ABL1: variants seen among roughly 807,000 people sequenced by gnomAD.
The protein encoded by ABL1 is ABL proto-oncogene 1, non-receptor tyrosine kinase.
ABL1 carries 11 observed loss-of-function variants against 94.7 expected under a neutral mutation model. That is an observed-to-expected ratio of 0.12 (90% CI 0.07 to 0.19). The LOEUF is 0.19. Ranked by LOEUF, ABL1 falls within the 10% of genes least tolerant of loss-of-function variation. The pLI is 1.00. For missense variants in ABL1, 1,082 were observed against 1,489.4 expected (o/e 0.73, Z 4.50); for synonymous variants, 656 against 622.4 (o/e 1.05, Z -0.80).
intron 1 of ABL1, among the ~76,000 whole-genome samples, chr9:130,728,369 GT>G (rs55957334): frequency 0.2 from 26,746 of 135,668 alleles, 2,961 homozygotes; most frequent in Middle Eastern, 0.39. Flanking sequence ...TACCTGGCTG[GT>G]TTTTTTTTTT....
chr9:130,816,797 G>A (rs1039376243), intron 1 of ABL1, among the ~76,000 whole-genome samples: 25 of 152,096 alleles, frequency 1.6e-4, no homozygotes, highest in African/African-American at 5.3e-4. Flanking sequence ...TCCGCCTCCC[G>A]GGTTCAAGCG....
intron 1 of ABL1, among the ~76,000 whole-genome samples, chr9:130,753,220 G>A (rs1831990363): frequency 2.6e-5 from 4 of 151,916 alleles, no homozygotes; most frequent in African/African-American, 7.2e-5. Flanking sequence ...TCGCGCCACT[G>A]CACTCCAGCC....
In ABL1 at chr9:130,873,039, T is replaced by TAGGG; in HGVS notation, c.1085+3_1085+6dup. On this transcript the variant is annotated splice_region_variant and intron_variant, in intron 6 of 10. Transcript: ENST00000318560. ...GGAGAAGAAAAACTTCATCCACAGG[T>TAGGG]AGGGGCCTGGCCAGGCAGCCTGCGC... The TAGGG allele has an allele frequency of 6.2e-7, 1 of 1,612,552 alleles. No homozygotes were observed. Among genetic ancestry groups the TAGGG allele is most frequent in the Non-Finnish European group, 8.5e-7 (1 of 1,179,184 alleles).
rs2133025043 is a variant in ABL1 at position 130,880,690 on chromosome 9, C to T, written c.1678+26C>T. 1 of 1,609,672 alleles carries T rather than the reference C, an allele frequency of 6.2e-7. No individual in the cohort carries two copies. Among genetic ancestry groups the T allele is most frequent in the East Asian group, 2.2e-5 (1 of 44,844 alleles). On this transcript the variant is annotated intron_variant, in intron 10 of 10. Transcript: ENST00000318560. This position sits in a 1 kb window ranked among gnomAD's most constrained non-coding sequence, Gnocchi z 4.4. ...GTAAGTCCCCCGCTTCCCCCAACCC[C>T]ACTGCTCTTCCCTTCCCTGCCAGAG...
chr9:130,876,596 T>G (rs2133009629), intron 7 of ABL1, among the ~76,000 whole-genome samples: 1 of 151,400 alleles, frequency 6.6e-6, no homozygotes, highest in East Asian at 1.9e-4. Context: ...TTTTTTTGTA[T>G]TTTTAGTAAA....
intron 1 of ABL1, among the ~76,000 whole-genome samples, chr9:130,744,601 C>A (rs1831861056): frequency 6.6e-6 from 1 of 150,608 alleles, no homozygotes. Context: ...GCCTGTAATC[C>A]CAGCATTTTG....
intron 1 of ABL1, among the ~76,000 whole-genome samples, chr9:130,740,223 T>A (rs1183769434): frequency 2.6e-5 from 4 of 152,174 alleles, no homozygotes; most frequent in African/African-American, 9.7e-5. Context: ...CACAATGTGG[T>A]TATTAAAGGC....
intron 1 of ABL1, among the ~76,000 whole-genome samples, chr9:130,743,007 T>G (rs1024280088): frequency 2.6e-5 from 4 of 152,346 alleles, no homozygotes; most frequent in Admixed American, 6.5e-5. Flanking sequence ...TGAATTTGCT[T>G]CACCGTTTTT....
rs1208996844 is a variant in ABL1 at position 130,886,642 on chromosome 9, A to G, written c.*959A>G. The G allele has an allele frequency of 1.3e-5, 3 of 233,572 alleles. No individual in the cohort carries two copies. The highest frequency in any genetic ancestry group is 6.6e-5 in the African/African-American group (3 of 45,352). 14.5% of individuals were successfully genotyped at this position (233,572 alleles called of 1,614,324 possible). A position where few individuals can be genotyped will look rare whatever the true frequency, so the allele number is the denominator to read the frequency against. On this transcript the variant is annotated 3_prime_UTR_variant, in exon 11 of 11. Transcript: ENST00000318560. ...CCCAGAGTGAACCGTCCTTTCACAC[A>G]TCTGGGTGCCCTGAAAGGGCCCTTC...
intron 1 of ABL1, among the ~76,000 whole-genome samples, chr9:130,780,844 G>A (rs1328319960): frequency 6.6e-6 from 1 of 152,176 alleles, no homozygotes; most frequent in African/African-American, 2.4e-5. Context: ...GGCAAATTAA[G>A]AAAAGATTGT....
chr9:130,742,378 C>G (rs1368819546), intron 1 of ABL1, among the ~76,000 whole-genome samples: 1 of 152,086 alleles, frequency 6.6e-6, no homozygotes, highest in African/African-American at 2.4e-5. Context: ...AAGTTGAGAC[C>G]CATTTCAACA....
chr9:130,716,523 A>G (rs1831443581), intron 1 of ABL1, among the ~76,000 whole-genome samples: 1 of 152,192 alleles, frequency 6.6e-6, no homozygotes, highest in South Asian at 2.1e-4. Flanking sequence ...GCACTTCTGT[A>G]CAGTAAAGTA....
At chr9:130,848,345 GAAAA>G (rs34112720) in intron 1 of ABL1, among the ~76,000 whole-genome samples, 8 of 69,732 alleles carry the variant, frequency 1.1e-4, no homozygotes, top group Admixed American at 3.1e-4. Context: ...TACTGAAAAT[GAAAA>G]AAAAAAAAAA....
chr9:130,823,513 G>C (rs2132881086), intron 1 of ABL1, among the ~76,000 whole-genome samples: 2 of 152,250 alleles, frequency 1.3e-5, no homozygotes, highest in East Asian at 3.9e-4. Flanking sequence ...CGGTCCTGGA[G>C]GGGCACGATG....
In ABL1 at chr9:130,862,910, G is replaced by A. The variant is rs1394653602; in HGVS notation, c.697G>A (p.Asp233Asn). ...TGTCTATGGTGTGTCCCCCAACTAC[G>A]ACAAGTGGGAGATGGAACGCACGGA... ...PTVYGVSPNY[D>N]KWEMERTDIT... Residue 233 changes from aspartate to asparagine, a missense_variant, in exon 4 of 11, where the codon GAC becomes AAC. By Grantham distance (23) the Asp-to-Asn change is conservative (BLOSUM62 1). Around this residue, in one of 7 missense-constraint regions of ABL1, gnomAD observed 92 missense variants for 212.3 expected, o/e 0.43. Transcript: ENST00000318560. This position sits in a 1 kb window ranked among gnomAD's most constrained non-coding sequence, Gnocchi z 5.5. The A allele has an allele frequency of 1.2e-6, 2 of 1,614,056 alleles. No individual in the cohort carries two copies. The highest frequency in any genetic ancestry group is 1.7e-5 in the Admixed American group (1 of 60,014).
intron 1 of ABL1, among the ~76,000 whole-genome samples, chr9:130,754,653 A>G (rs1274037614): frequency 1.3e-5 from 2 of 148,700 alleles, no homozygotes; most frequent in Non-Finnish European, 3.0e-5. Context: ...GAGCTTTCAG[A>G]TAATGAGAGC....
At chr9:130,833,784 T>G (rs1830522477), upstream of ABL1, among the ~76,000 whole-genome samples, 1 of 152,208 alleles carries the variant, frequency 6.6e-6, no homozygotes, top group Non-Finnish European at 1.5e-5. Flanking sequence ...TATGTGCTGT[T>G]TTTGGCAGAG....
intron 1 of ABL1, among the ~76,000 whole-genome samples, chr9:130,744,293 C>G (rs968928298): frequency 5.9e-5 from 9 of 151,790 alleles, no homozygotes; most frequent in Admixed American, 2.0e-4. Context: ...CAGGCGCATG[C>G]CACCATGCCC....
At chr9:130,775,302 T>G (rs1832298292) in intron 1 of ABL1, among the ~76,000 whole-genome samples, 1 of 152,218 alleles carries the variant, frequency 6.6e-6, no homozygotes, top group African/African-American at 2.4e-5. Context: ...ACAGTAGAAC[T>G]ATAGTACTTT....
Sources: allele counts gnomAD v4.1 joint callset (sites outside exome capture counted in the v4.1 genomes callset), GRCh38; gene constraint gnomAD v4.1.1; regional missense constraint gnomAD v4.1.1; non-coding constraint Gnocchi (gnomAD v3.1); transcripts MANE v1.5; gene names NCBI Gene and HGNC (gene_info 2026-07-23, HGNC 2026-07-21).